The following XG variants were observed in gnomAD, a reference collection of about 807,000 sequenced individuals.
The protein encoded by XG is glycoprotein Xg.
Under a neutral mutation model 25.7 loss-of-function variants are expected in XG, and 24 were observed. That is an observed-to-expected ratio of 0.93 (90% CI 0.68 to 1.31). XG has a LOEUF of 1.31. Ranked by LOEUF, XG falls within the 40% of genes most tolerant of loss-of-function variation. The probability of loss-of-function intolerance (pLI) is 0.00; values close to 1 mark genes in which losing one functional copy is unlikely to be tolerated. For synonymous variants in XG, 77 were observed against 69.2 expected, an observed-to-expected ratio of 1.11 and a Z score of -0.56; for missense variants, 181 against 187.6, an observed-to-expected ratio of 0.96 and a Z score of 0.21.
chrX:2,784,322 T>C (rs1259124396), intron 4 of XG, among the ~76,000 whole-genome samples: 1 of 110,657 alleles, frequency 9.0e-6, no homozygotes, highest in Non-Finnish European at 1.9e-5. Context: ...GTGGGTCACG[T>C]CTGTAATCCC....
At chrX:2,770,517 T>C in intron 1 of XG, 33 bp from the exon 2 acceptor site, 1 of 1,613,710 alleles carries the variant, frequency 6.2e-7, no homozygotes, top group Non-Finnish European at 8.5e-7. Context: ...CTTTCCATCA[T>C]GGGGTGACTT....
At chrX:2,812,871 C>A (rs144015310) in intron 10 of XG, among the ~76,000 whole-genome samples, 95 of 111,873 alleles carry the variant, frequency 8.5e-4, no homozygotes, top group African/African-American at 3.0e-3. Flanking sequence ...AGGGCTGAAA[C>A]TGAGTAAGCA....
At chrX:2,758,717 GTCAA>G (rs1352286324) in intron 1 of XG, among the ~76,000 whole-genome samples, 1 of 152,166 alleles carries the variant, frequency 6.6e-6, no homozygotes, top group East Asian at 1.9e-4. Flanking sequence ...AGGGATGCTG[GTCAA>G]CACCCTGCAG....
intron 1 of XG, among the ~76,000 whole-genome samples, chrX:2,756,338 AAAG>A (rs1287574118): frequency 6.6e-6 from 1 of 152,182 alleles, no homozygotes; most frequent in Non-Finnish European, 1.5e-5. Flanking sequence ...AGGGGAAAAA[AAAG>A]AAAATGACAG....
intron 1 of XG, among the ~76,000 whole-genome samples, chrX:2,754,089 C>CT (rs1569456589): frequency 6.6e-6 from 1 of 151,872 alleles, no homozygotes; most frequent in African/African-American, 2.4e-5. Flanking sequence ...AAAATATTTT[C>CT]TTTTTTTTAA....
chrX:2,782,560 T>G lies in XG; in HGVS notation c.190+432T>G, dbSNP rs373233800. Among the ~76,000 whole-genome samples, 80 of 109,637 alleles carry G rather than the reference T, an allele frequency of 7.3e-4. 1 individual carries two copies. Among genetic ancestry groups the G allele is most frequent in the East Asian group, 2.9e-3 (10 of 3,479 alleles). On this transcript the variant is annotated intron_variant, in intron 4 of 10. Coordinates refer to ENST00000644266, the MANE Select transcript of XG (RefSeq NM_001141919.2). ...AGGTAGGGGCTTGGGAAGTGGGGAG[T>G]GCTGACCGGTCAGGTTGGAAAGGGA...
At chrX:2,777,565 C>A (rs1156673325) in intron 3 of XG, among the ~76,000 whole-genome samples, 4 of 151,714 alleles carry the variant, frequency 2.6e-5, no homozygotes, top group African/African-American at 4.8e-5. Flanking sequence ...TGCACTTCCG[C>A]CTGGGTGGCA....
In XG at chrX:2,775,782, C is replaced by A. The variant is rs751083185; in HGVS notation, c.127+1043C>A. Among the ~76,000 whole-genome samples the A allele has an allele frequency of 3.3e-5, 5 of 150,484 alleles. No homozygotes were observed. In the Admixed American group the frequency reaches 3.3e-4, roughly 10 times the overall value. On this transcript the variant is annotated intron_variant, in intron 3 of 10. Transcript: ENST00000644266. ...ACCAACCTGGCCAACATGGTGAAACCTGGTCTCTACTAAATATAAAAAAAT... is the reference window on the plus strand; with the variant it reads ...ACCAACCTGGCCAACATGGTGAAACATGGTCTCTACTAAATATAAAAAAAT...
rs1005700780 is a variant in XG at position 2,770,443 on chromosome X, G to A, written c.62-107G>A. The A allele has an allele frequency of 4.5e-6, 6 of 1,341,370 alleles. No individual in the cohort carries two copies. In the African/African-American group the frequency reaches 8.7e-5, roughly 19 times the overall value. The allele number at this position is 1,341,370 out of a possible 1,614,324, so 83.1% of individuals were successfully genotyped here. The stretch of plus-strand genomic sequence containing the variant: ...ATGGTCAGGTTAGTTTTAGTGCTCT[G>A]GGCGACCCTAGGCTTGCAGGAGGAG... On this transcript the variant is annotated intron_variant, in intron 1 of 10. Coordinates refer to ENST00000644266, the MANE Select transcript of XG (RefSeq NM_001141919.2).
At chrX:2,792,142 C>T (rs985286196) in intron 5 of XG, among the ~76,000 whole-genome samples, 2 of 110,865 alleles carry the variant, frequency 1.8e-5, no homozygotes, top group African/African-American at 6.6e-5. Context: ...ATTAGCCAGG[C>T]ATGGTGGCAT....
chrX:2,762,258 T>G (rs311123), intron 1 of XG, among the ~76,000 whole-genome samples: 116,347 of 152,038 alleles, frequency 0.77, 45,281 homozygotes, highest in East Asian at 0.93. Context: ...CCGTCTGTTG[T>G]GTTACAGACA....
intron 3 of XG, among the ~76,000 whole-genome samples, chrX:2,781,101 C>A (rs778398687): frequency 6.6e-6 from 1 of 152,016 alleles, no homozygotes; most frequent in East Asian, 1.9e-4. Flanking sequence ...CCCCACAACA[C>A]CTGTTTCAGT....
intron 3 of XG, among the ~76,000 whole-genome samples, chrX:2,775,586 C>T (rs771127555): frequency 5.3e-5 from 8 of 152,190 alleles, no homozygotes; most frequent in South Asian, 2.1e-4. Flanking sequence ...ATTCTAAGTG[C>T]CCCTGAATTA....
intron 7 of XG, among the ~76,000 whole-genome samples, chrX:2,801,862 C>T (rs1310504475): frequency 1.8e-5 from 2 of 110,754 alleles, no homozygotes; most frequent in Non-Finnish European, 3.8e-5. Context: ...GCGCCCGCCA[C>T]CACGCCTGGC....
At chrX:2,767,895 GCTGTAGTGCAACC>G (rs1289698623) in intron 1 of XG, among the ~76,000 whole-genome samples, 1 of 152,134 alleles carries the variant, frequency 6.6e-6, no homozygotes, top group Non-Finnish European at 1.5e-5. Context: ...GCAACTTCTG[GCTGTAGTGCAACC>G]CCTGAAACCA....
intron 4 of XG, among the ~76,000 whole-genome samples, chrX:2,786,531 A>C (rs1225609175): frequency 1.8e-5 from 2 of 109,727 alleles, no homozygotes; most frequent in Non-Finnish European, 1.9e-5. Flanking sequence ...GCCTCCCAAA[A>C]TGCTGGGATT....
At chrX:2,770,945 C>T (rs998323492) in intron 2 of XG, among the ~76,000 whole-genome samples, 13 of 152,116 alleles carry the variant, frequency 8.5e-5, no homozygotes, top group African/African-American at 2.7e-4. Context: ...CTTCCTGGCT[C>T]AAGTGATCCT....
rs185525897 is a variant in XG, at chrX:2,800,139, A to T, written c.373+2779A>T. 2.0e-4 allele frequency among the ~76,000 whole-genome samples: 22 copies of T among 111,507 alleles called. No homozygotes were observed. In the East Asian group the frequency reaches 6.2e-3, roughly 31 times the overall value. On this transcript the variant is annotated intron_variant, in intron 7 of 10. Transcript: ENST00000644266. The stretch of plus-strand genomic sequence containing the variant: ...AATGTGGGCTCAGAGCATGGCCCCA[A>T]ATAGGTGACGTTGGTAAAGCAGGTT...
chrX:2,806,862 C>T, intron 8 of XG, 117 bp downstream of exon 8: 1 of 579,171 alleles, frequency 1.7e-6, no homozygotes, highest in Non-Finnish European at 2.6e-6. Flanking sequence ...AACCAACTGG[C>T]CGTTCGAGTC....
Sources: allele counts gnomAD v4.1 joint callset (sites outside exome capture counted in the v4.1 genomes callset), GRCh38; gene constraint gnomAD v4.1.1; transcripts MANE v1.5; gene names NCBI Gene and HGNC (gene_info 2026-07-23, HGNC 2026-07-21).